The following LRRN3 variants were observed in gnomAD, a reference collection of about 807,000 sequenced individuals.
LRRN3 encodes the protein leucine rich repeat neuronal 3.
A neutral mutation model predicts 40.1 loss-of-function variants in LRRN3; 15 were observed. That is an observed-to-expected ratio of 0.37 (90% CI 0.25 to 0.58). LRRN3 has a LOEUF of 0.58. Ranked by LOEUF, LRRN3 falls within the 20% of genes least tolerant of loss-of-function variation. LRRN3 has a pLI of 0.72. For synonymous variants in LRRN3, 308 were observed against 297.2 expected, an observed-to-expected ratio of 1.04 and a Z score of -0.37; for missense variants, 746 against 837.7, an observed-to-expected ratio of 0.89 and a Z score of 1.35.
rs1182647729 is a variant in LRRN3 at position 111,122,525 on chromosome 7, C to A, written c.-248C>A. ...TGACCATCTATACATACTCCACCTT[C>A]AAAAAGTACATCAATATTATATCAT... On this transcript the variant is annotated 5_prime_UTR_variant, in exon 3 of 3. Transcript: ENST00000308478. The A allele has an allele frequency of 4.3e-6, 2 of 460,016 alleles. No homozygotes were observed. Among genetic ancestry groups the A allele is most frequent in the East Asian group, 3.5e-5 (1 of 28,298 alleles). 28.5% of individuals were successfully genotyped at this position (460,016 alleles called of 1,614,324 possible). A position where few individuals can be genotyped will look rare whatever the true frequency, so the allele number is the denominator to read the frequency against.
chr7:111,113,426 A>G (rs1467273785), intron 2 of LRRN3, among the ~76,000 whole-genome samples: 3 of 152,008 alleles, frequency 2.0e-5, no homozygotes, highest in African/African-American at 7.3e-5. Flanking sequence ...CCTCCCATGT[A>G]TAAGGCCCTA....
chr7:111,093,379 T>C (rs1797066742), intron 1 of LRRN3, among the ~76,000 whole-genome samples: 1 of 152,172 alleles, frequency 6.6e-6, no homozygotes, highest in Non-Finnish European at 1.5e-5. Context: ...ACAGACCAGA[T>C]CTGATATTTT....
intron 1 of LRRN3, among the ~76,000 whole-genome samples, chr7:111,099,186 A>G (rs560209476): frequency 6.6e-6 from 1 of 151,872 alleles, no homozygotes; most frequent in African/African-American, 2.4e-5. Flanking sequence ...ATAATAAGTG[A>G]CACAAAAGAA....
intron 2 of LRRN3, among the ~76,000 whole-genome samples, chr7:111,111,299 T>TAA (rs751990466): frequency 0.035 from 3,194 of 92,110 alleles, 69 homozygotes; most frequent in African/African-American, 0.049. Flanking sequence ...GTAGCAGTTG[T>TAA]AAAAAAAAAA....
chr7:111,119,092 TAAAG>T (rs1426770505), intron 2 of LRRN3, among the ~76,000 whole-genome samples: 1 of 152,148 alleles, frequency 6.6e-6, no homozygotes, highest in Non-Finnish European at 1.5e-5. Flanking sequence ...CTAGTTAACT[TAAAG>T]AAGGATATAG....
chr7:111,109,940 C>A (rs369156400), intron 2 of LRRN3, among the ~76,000 whole-genome samples: 1 of 152,182 alleles, frequency 6.6e-6, no homozygotes. Context: ...TCAAGACCGG[C>A]CTGATCAATA....
chr7:111,100,343 GCT>G (rs1392361110), intron 2 of LRRN3, among the ~76,000 whole-genome samples: 2 of 149,746 alleles, frequency 1.3e-5, no homozygotes, highest in African/African-American at 4.9e-5. Flanking sequence ...CTAACAACAG[GCT>G]CTTTCTACAG....
chr7:111,124,928 T>TC lies in LRRN3; in HGVS notation c.*29_*30insC. 8.3e-7 allele frequency: 1 copy of TC among 1,198,640 alleles called. No homozygotes were observed. The highest frequency in any genetic ancestry group is 1.1e-6 in the Non-Finnish European group (1 of 944,824). 74.3% of individuals were successfully genotyped at this position (1,198,640 alleles called of 1,614,324 possible). A position where few individuals can be genotyped will look rare whatever the true frequency, so the allele number is the denominator to read the frequency against. ...CCACCAAGGAAACCTACTCCAAAAA[T>TC]GAACAAAAAAAAAAAAAGCGAAAGA... On this transcript the variant is annotated 3_prime_UTR_variant, in exon 3 of 3. Transcript: ENST00000308478.
In LRRN3 at chr7:111,107,417, C is replaced by G. The variant is rs558017530; in HGVS notation, c.-359+7455C>G. 2.0e-5 allele frequency among the ~76,000 whole-genome samples: 3 copies of G among 152,118 alleles called. No homozygotes were observed. The South Asian group carries it at 6.2e-4, about 32-fold the overall frequency. On this transcript the variant is annotated intron_variant, in intron 2 of 2. Coordinates refer to ENST00000308478, the MANE Select transcript of LRRN3 (RefSeq NM_001099658.2). Reference sequence around the variant, plus strand: ...ACAGGGGAATATGGGCAGTTTCAACCTCTTACCACCTTTGTCTCTAAAAAG... The same window carrying G: ...ACAGGGGAATATGGGCAGTTTCAACGTCTTACCACCTTTGTCTCTAAAAAG...
At chr7:111,094,343 T>C (rs1340515796) in intron 1 of LRRN3, among the ~76,000 whole-genome samples, 2 of 152,036 alleles carry the variant, frequency 1.3e-5, no homozygotes, top group African/African-American at 4.8e-5. Flanking sequence ...AGGAGATCAT[T>C]AAAAGAAAGC....
At chr7:111,099,712 G>A (rs904541280) in intron 1 of LRRN3, among the ~76,000 whole-genome samples, 169 bp from the exon 2 acceptor site, 2 of 150,960 alleles carry the variant, frequency 1.3e-5, no homozygotes, top group African/African-American at 2.4e-5. Flanking sequence ...TTTTTTGAAA[G>A]TTATAAGCAA....
At position 111,124,574 on chromosome 7, in the gene LRRN3, A is replaced by T. The variant is rs1167431276; in HGVS notation, c.1802A>T (p.Lys601Ile). The T allele has an allele frequency of 6.2e-7, 1 of 1,613,960 alleles. No homozygotes were observed. Among genetic ancestry groups the T allele is most frequent in the Non-Finnish European group, 8.5e-7 (1 of 1,180,000 alleles). Residue 601 changes from lysine to isoleucine, a missense_variant, in exon 3 of 3, where the codon AAA (lysine) becomes ATA (isoleucine). Lys to Ile is a moderately radical substitution (Grantham distance 102, BLOSUM62 -3). Transcript: ENST00000308478. ...ICIDIPTIYQ[K>I]NRKKCVNVTT... ...ATTGATATTCCCACCATCTATCAGA[A>T]AAACAGAAAAAAATGTGTAAATGTC... is the stretch of plus-strand genomic sequence containing the variant.
intron 2 of LRRN3, among the ~76,000 whole-genome samples, chr7:111,106,208 A>G (rs972508896): frequency 3.9e-5 from 6 of 151,904 alleles, no homozygotes; most frequent in African/African-American, 1.4e-4. Flanking sequence ...TTACTTCTCA[A>G]TTGGGAACTA....
chr7:111,103,294 G>A (rs916288653), intron 2 of LRRN3, among the ~76,000 whole-genome samples: 1 of 151,380 alleles, frequency 6.6e-6, no homozygotes, highest in East Asian at 1.9e-4. Context: ...AAGCATACAC[G>A]TATACATTTA....
At chr7:111,107,515 TGAA>T (rs1273750187) in intron 2 of LRRN3, among the ~76,000 whole-genome samples, 2 of 152,048 alleles carry the variant, frequency 1.3e-5, no homozygotes, top group Non-Finnish European at 2.9e-5. Flanking sequence ...ATAAGCATGT[TGAA>T]GAAGGGGCAA....
chr7:111,120,845 C>T (rs1800510263), intron 2 of LRRN3, among the ~76,000 whole-genome samples: 1 of 151,914 alleles, frequency 6.6e-6, no homozygotes, highest in Admixed American at 6.6e-5. Flanking sequence ...ATCCTGTCTC[C>T]TGGGAACCTG....
Position 111,115,409 on chromosome 7 carries a change from AT to A in LRRN3, c.-358-7005del, listed in dbSNP as rs1799759252. Among the ~76,000 whole-genome samples the A allele has an allele frequency of 2.6e-5, 4 of 152,216 alleles. No homozygotes were observed. In the South Asian group the frequency reaches 8.3e-4, roughly 32 times the overall value. On this transcript the variant is annotated intron_variant, in intron 2 of 2. Coordinates refer to ENST00000308478, the MANE Select transcript of LRRN3 (RefSeq NM_001099658.2). ...AATCAATAATTAAATATAACTACAA[AT>A]CAGAATTTTCATAAAAAATGACAGT...
chr7:111,102,218 G>A (rs991597833), intron 2 of LRRN3, among the ~76,000 whole-genome samples: 1 of 151,360 alleles, frequency 6.6e-6, no homozygotes, highest in Admixed American at 6.6e-5. Context: ...TTACCCAGTG[G>A]GTATTTCATA....
intron 2 of LRRN3, among the ~76,000 whole-genome samples, chr7:111,103,222 C>A (rs1423910565): frequency 6.6e-6 from 1 of 151,544 alleles, no homozygotes; most frequent in Non-Finnish European, 1.5e-5. Flanking sequence ...CCTGTATTAG[C>A]ATTTCTGCAG....
Sources: allele counts gnomAD v4.1 joint callset (sites outside exome capture counted in the v4.1 genomes callset), GRCh38; gene constraint gnomAD v4.1.1; transcripts MANE v1.5; gene names NCBI Gene and HGNC (gene_info 2026-07-23, HGNC 2026-07-21).